Variants in PDE1C observed in about 807,000 individuals in gnomAD.
PDE1C encodes dual specificity calcium/calmodulin-dependent 3',5'-cyclic nucleotide phosphodiesterase 1C.
Under a neutral mutation model 93.1 loss-of-function variants are expected in PDE1C, and 62 were observed. The observed-to-expected ratio is 0.67, with a 90% CI of 0.54 to 0.82. PDE1C has a LOEUF of 0.82. Among genes scored for constraint, PDE1C ranks in the 40% least tolerant of loss-of-function variants. PDE1C has a pLI of 0.00. For synonymous variants in PDE1C, 325 were observed against 310.1 expected (o/e 1.05, Z -0.50); for missense variants, 742 against 884.6 (o/e 0.84, Z 2.04).
At chr7:32,250,721 G>A (rs2128875059) in intron 1 of PDE1C, among the ~76,000 whole-genome samples, 1 of 152,288 alleles carries the variant, frequency 6.6e-6, no homozygotes, top group East Asian at 1.9e-4. Flanking sequence ...GTGACCTTGG[G>A]TTCATTTTAA....
At position 31,997,527 on chromosome 7, in the gene PDE1C, A is replaced by C. The variant is rs529756158; in HGVS notation, c.128+54027T>G. ...AGTTAGAGGCAACAATAGAGCTTGG[A>C]GAACCTGGGGGGATGGTAGCTGGCC... On this transcript the variant is annotated intron_variant, in intron 2 of 17. Coordinates refer to ENST00000396191, the MANE Select transcript of PDE1C (RefSeq NM_001191057.4). Among the ~76,000 whole-genome samples the C allele has an allele frequency of 4.6e-5, 7 of 152,340 alleles. No individual in the cohort carries two copies. In the South Asian group the frequency reaches 1.5e-3, roughly 32 times the overall value.
At chr7:31,745,942 G>A in the PDE1C span, among the ~76,000 whole-genome samples, 3 of 152,166 alleles carry the variant, frequency 2.0e-5, no homozygotes, top group South Asian at 4.1e-4. Context: ...GGAAAAGAGA[G>A]ACCTTTGAGC....
At chr7:32,409,689 G>A (rs1331286145) in intron 1 of PDE1C, among the ~76,000 whole-genome samples, 1 of 152,022 alleles carries the variant, frequency 6.6e-6, no homozygotes, top group Non-Finnish European at 1.5e-5. Context: ...AAGGACATTT[G>A]ACAAACCTCA....
At chr7:32,329,135 G>T (rs1783463122) in intron 1 of PDE1C, among the ~76,000 whole-genome samples, 1 of 152,156 alleles carries the variant, frequency 6.6e-6, no homozygotes, top group Admixed American at 6.5e-5. Flanking sequence ...AGGAGGCTAA[G>T]GTGGGAGGAC....
intron 2 of PDE1C, among the ~76,000 whole-genome samples, chr7:31,964,703 C>A (rs1809619125): frequency 1.3e-5 from 2 of 152,208 alleles, no homozygotes; most frequent in African/African-American, 2.4e-5. Context: ...GGGAGGCAAC[C>A]CCCCAATAGG....
At chr7:32,051,458 C>G (rs1793349635) in intron 2 of PDE1C, 96 bp downstream of exon 2, 3 of 1,156,568 alleles carry the variant, frequency 2.6e-6, no homozygotes, top group Non-Finnish European at 3.9e-6. Flanking sequence ...GAACCAAAAG[C>G]CTGTTTATTA....
At chr7:32,070,535 C>A, upstream of PDE1C, 1 of 1,476,624 alleles carries the variant, frequency 6.8e-7, no homozygotes, top group Non-Finnish European at 9.0e-7. Flanking sequence ...CCCTTCTGCG[C>A]CCCCAGACTC....
chr7:31,644,238 T>C, the PDE1C span, among the ~76,000 whole-genome samples: 1 of 152,352 alleles, frequency 6.6e-6, no homozygotes, highest in African/African-American at 2.4e-5. Flanking sequence ...CATTCATATG[T>C]CTAAGGTTAT....
At chr7:32,417,784 T>C (rs907658198) in intron 1 of PDE1C, among the ~76,000 whole-genome samples, 5 of 152,194 alleles carry the variant, frequency 3.3e-5, no homozygotes, top group African/African-American at 1.2e-4. Context: ...TCTTCATTTA[T>C]CTCAAGTTTT....
At chr7:32,367,256 C>G (rs1290370583) in intron 1 of PDE1C, among the ~76,000 whole-genome samples, 1 of 151,972 alleles carries the variant, frequency 6.6e-6, no homozygotes, top group Non-Finnish European at 1.5e-5. Flanking sequence ...ACTGGTAAAG[C>G]CAATACAGAA....
At chr7:32,181,300 A>G (rs538492115) in intron 2 of PDE1C, among the ~76,000 whole-genome samples, 2 of 152,292 alleles carry the variant, frequency 1.3e-5, no homozygotes, top group Non-Finnish European at 1.5e-5. Flanking sequence ...AAGCGGACCT[A>G]ATAGACATCT....
At chr7:32,308,758 T>C (rs550620029) in intron 1 of PDE1C, among the ~76,000 whole-genome samples, 201 of 152,160 alleles carry the variant, frequency 1.3e-3, no homozygotes, top group African/African-American at 4.7e-3. Flanking sequence ...TACGTCACCA[T>C]CATCAAAGAC....
the PDE1C span, among the ~76,000 whole-genome samples, chr7:31,732,811 A>T: frequency 1.3e-5 from 2 of 152,140 alleles, no homozygotes; most frequent in African/African-American, 4.8e-5. Flanking sequence ...CTGTAACCCA[A>T]GGGGGACCTC....
At chr7:31,883,478 T>C (rs1272321621) in intron 2 of PDE1C, among the ~76,000 whole-genome samples, 1 of 152,196 alleles carries the variant, frequency 6.6e-6, no homozygotes, top group Non-Finnish European at 1.5e-5. Flanking sequence ...AGCTGACACG[T>C]CTCCTTTTAC....
At chr7:31,999,815 G>C (rs1785232998) in intron 2 of PDE1C, among the ~76,000 whole-genome samples, 1 of 152,186 alleles carries the variant, frequency 6.6e-6, no homozygotes, top group South Asian at 2.1e-4. Context: ...AGTCATGAGA[G>C]AGATTAATCA....
chr7:31,692,434 C>A, the PDE1C span: 1 of 1,599,128 alleles, frequency 6.3e-7, no homozygotes, highest in Non-Finnish European at 8.6e-7. Flanking sequence ...TCCACCCACC[C>A]TCCTTTGATG....
At chr7:32,379,136 T>C (rs1033988949) in intron 1 of PDE1C, among the ~76,000 whole-genome samples, 3 of 152,172 alleles carry the variant, frequency 2.0e-5, no homozygotes, top group South Asian at 4.1e-4. Context: ...TGCAGTTCCC[T>C]GAGAGAAGGC....
At chr7:31,693,490 G>A in the PDE1C span, among the ~76,000 whole-genome samples, 2 of 152,156 alleles carry the variant, frequency 1.3e-5, no homozygotes, top group East Asian at 3.9e-4. Flanking sequence ...ACCATAACCT[G>A]CCAGCAGTGT....
the PDE1C span, among the ~76,000 whole-genome samples, chr7:31,694,387 A>AACACACACACAC: frequency 0.028 from 4,010 of 141,626 alleles, 106 homozygotes; most frequent in African/African-American, 0.059. Flanking sequence ...CTCTCTCTCA[A>AACACACACACAC]ACACACACAC....
Sources: allele counts gnomAD v4.1 joint callset (sites outside exome capture counted in the v4.1 genomes callset), GRCh38; gene constraint gnomAD v4.1.1; transcripts MANE v1.5; gene names NCBI Gene and HGNC (gene_info 2026-07-23, HGNC 2026-07-21).